The following ZBTB40 variants were observed in gnomAD, a reference collection of about 807,000 sequenced individuals.
The protein encoded by ZBTB40 is zinc finger and BTB domain-containing protein 40.
A neutral mutation model predicts 117.5 loss-of-function variants in ZBTB40; 60 were observed. That is an observed-to-expected ratio of 0.51 (90% CI 0.41 to 0.63). The LOEUF is 0.63. Ranked by LOEUF, ZBTB40 falls within the 30% of genes least tolerant of loss-of-function variation. ZBTB40 has a pLI of 0.00. For missense variants in ZBTB40, 1,287 were observed against 1,498.5 expected, an observed-to-expected ratio of 0.86 and a Z score of 2.33; for synonymous variants, 525 against 577.1, an observed-to-expected ratio of 0.91 and a Z score of 1.29.
chr1:22,485,516 C>A (rs1393178254), intron 1 of ZBTB40, among the ~76,000 whole-genome samples: 4 of 151,792 alleles, frequency 2.6e-5, no homozygotes, highest in African/African-American at 4.8e-5. Flanking sequence ...TTCTTTGTTA[C>A]CATGGCCATC....
Position 22,526,483 on chromosome 1 carries a change from C to T in ZBTB40, c.*87C>T, listed in dbSNP as rs1639682706. 6 of 1,551,232 alleles carry T rather than the reference C, an allele frequency of 3.9e-6. No individual in the cohort carries two copies. Among genetic ancestry groups the T allele is most frequent in the Non-Finnish European group, 3.5e-6 (4 of 1,131,316 alleles). The stretch of plus-strand genomic sequence containing the variant: ...CCCTTTGCCCTCCATCCCTGGCTGT[C>T]CTGAGTGGTGAGCATCTTAGCTTAG... On this transcript the variant is annotated 3_prime_UTR_variant, in exon 18 of 18. Transcript: ENST00000375647.
intron 16 of ZBTB40, among the ~76,000 whole-genome samples, chr1:22,523,262 T>C (rs484885): frequency 0.43 from 65,174 of 151,952 alleles, 15,315 homozygotes; most frequent in African/African-American, 0.61. Context: ...AGATGTACCA[T>C]TTTTAAGGAA....
intron 17 of ZBTB40, among the ~76,000 whole-genome samples, chr1:22,525,420 T>C (rs1288271971): frequency 6.6e-6 from 1 of 152,228 alleles, no homozygotes; most frequent in Non-Finnish European, 1.5e-5. Flanking sequence ...TGCTCTCTGC[T>C]CTTCACTGAT....
Position 22,526,794 on chromosome 1 carries a change from T to C in ZBTB40, c.*398T>C. The C allele has an allele frequency of 3.2e-6, 1 of 312,018 alleles. No individual in the cohort carries two copies. 19.3% of individuals were successfully genotyped at this position (312,018 alleles called of 1,614,324 possible). A position where few individuals can be genotyped will look rare whatever the true frequency, so the allele number is the denominator to read the frequency against. ...CAGTGGGCAGAATGGCAGTTAGATA[T>C]GGGACTTGGCCCACAGTGGGGGCTG... On this transcript the variant is annotated 3_prime_UTR_variant, in exon 18 of 18. Coordinates refer to ENST00000375647, the MANE Select transcript of ZBTB40 (RefSeq NM_014870.4).
intron 1 of ZBTB40, among the ~76,000 whole-genome samples, chr1:22,460,894 C>T (rs1001409877): frequency 6.6e-6 from 1 of 152,204 alleles, no homozygotes; most frequent in African/African-American, 2.4e-5. Flanking sequence ...TCCTTCTCTA[C>T]TCACTGCAGA....
At chr1:22,519,027 G>T (rs1266654410) in intron 13 of ZBTB40, among the ~76,000 whole-genome samples, 1 of 152,122 alleles carries the variant, frequency 6.6e-6, no homozygotes, top group Admixed American at 6.5e-5. Flanking sequence ...CTGTTTCATA[G>T]AACCACATCA....
chr1:22,479,264 A>G (rs1638224300), intron 1 of ZBTB40, among the ~76,000 whole-genome samples: 1 of 152,024 alleles, frequency 6.6e-6, no homozygotes, highest in Non-Finnish European at 1.5e-5. Context: ...GATTTTAATT[A>G]TTTTAGTGGA....
upstream of ZBTB40, among the ~76,000 whole-genome samples, chr1:22,451,193 C>T (rs1000303673): frequency 6.6e-6 from 1 of 152,226 alleles, no homozygotes; most frequent in Non-Finnish European, 1.5e-5. Flanking sequence ...CCACCAGCGC[C>T]AAGCCTGTCC....
At chr1:22,460,287 C>T (rs984724419) in intron 1 of ZBTB40, among the ~76,000 whole-genome samples, 2 of 152,186 alleles carry the variant, frequency 1.3e-5, no homozygotes, top group African/African-American at 2.4e-5. Context: ...TGTTGTATTT[C>T]TAAGTCTGCA....
chr1:22,464,790 A>T (rs1324512932), intron 1 of ZBTB40, among the ~76,000 whole-genome samples: 1 of 152,208 alleles, frequency 6.6e-6, no homozygotes, highest in African/African-American at 2.4e-5. Flanking sequence ...ATTCAGTTGC[A>T]TGCTGGTTGT....
In ZBTB40 at chr1:22,521,586, C is replaced by G. The variant is rs762706811; in HGVS notation, c.3139C>G (p.Gln1047Glu). ...CCGATCTTCCAAGTTCTCATCACTC[C>G]AGTGCAGCTCCTGTGACAAAACCTT... ...NHRSSKFSSL[Q>E]CSSCDKTFPN... Residue 1047 changes from glutamine to glutamate, a missense_variant, in exon 15 of 18, where the codon CAG becomes GAG. Transcript: ENST00000375647. 6.2e-7 allele frequency: 1 copy of G among 1,614,194 alleles called. No individual in the cohort carries two copies. The highest frequency in any genetic ancestry group is 8.5e-7 in the Non-Finnish European group (1 of 1,180,038).
intron 3 of ZBTB40, among the ~76,000 whole-genome samples, chr1:22,494,308 G>A (rs1360682464): frequency 1.3e-5 from 2 of 152,226 alleles, no homozygotes; most frequent in African/African-American, 2.4e-5. Context: ...AACTGCAAGG[G>A]CAGTGTCTAG....
intron 1 of ZBTB40, among the ~76,000 whole-genome samples, chr1:22,453,910 C>G (rs1009667171): frequency 3.9e-5 from 6 of 152,180 alleles, no homozygotes; most frequent in South Asian, 2.1e-4. Flanking sequence ...ACCAAGTAAA[C>G]AAATCTAGGT....
chr1:22,489,073 C>A (rs973321506), intron 1 of ZBTB40, among the ~76,000 whole-genome samples: 7 of 152,072 alleles, frequency 4.6e-5, no homozygotes, highest in Non-Finnish European at 7.4e-5. Flanking sequence ...GGGAAAGTGG[C>A]AGGAGAGTTT....
chr1:22,449,342 G>A (rs1483332375), upstream of ZBTB40, among the ~76,000 whole-genome samples: 2 of 152,216 alleles, frequency 1.3e-5, no homozygotes, highest in Non-Finnish European at 2.9e-5. Context: ...GGGAAGCACA[G>A]GTTATTTCTC....
At chr1:22,510,428 T>C (rs1407280029) in intron 9 of ZBTB40, among the ~76,000 whole-genome samples, 1 of 152,224 alleles carries the variant, frequency 6.6e-6, no homozygotes, top group African/African-American at 2.4e-5. Context: ...TTAGCCTCAC[T>C]AATTAGTCTC....
chr1:22,432,686 GA>G (rs1170475496), intron 1 of ZBTB40, among the ~76,000 whole-genome samples: 1 of 152,084 alleles, frequency 6.6e-6, no homozygotes, highest in African/African-American at 2.4e-5. Context: ...TTTGTCTCCT[GA>G]CTGATACATA....
At chr1:22,433,213 C>T (rs1246789896) in intron 1 of ZBTB40, among the ~76,000 whole-genome samples, 1 of 151,786 alleles carries the variant, frequency 6.6e-6, no homozygotes. Flanking sequence ...GCAGGTGGAT[C>T]ACGAGGTCAG....
chr1:22,476,110 T>G (rs894300737), intron 1 of ZBTB40, among the ~76,000 whole-genome samples: 1 of 152,250 alleles, frequency 6.6e-6, no homozygotes, highest in African/African-American at 2.4e-5. Flanking sequence ...ATATTTAGTA[T>G]TATTTTCCTC....
Sources: allele counts gnomAD v4.1 joint callset (sites outside exome capture counted in the v4.1 genomes callset), GRCh38; gene constraint gnomAD v4.1.1; transcripts MANE v1.5; gene names NCBI Gene and HGNC (gene_info 2026-07-23, HGNC 2026-07-21).